The following LSS variants were observed in gnomAD, a reference collection of about 807,000 sequenced individuals.
LSS encodes lanosterol synthase.
A neutral mutation model predicts 110.3 loss-of-function variants in LSS; 90 were observed. The ratio of observed to expected loss-of-function variants is 0.82; its 90% confidence interval spans 0.69 to 0.97. The LOEUF (loss-of-function observed/expected upper bound fraction) is 0.97, where lower values mean the gene tolerates loss of function less well. LSS is among the 50% of genes least tolerant of loss of function. LSS has a pLI of 0.00. For missense variants in LSS, 927 were observed against 990.0 expected (o/e 0.94, Z 0.85); for synonymous variants, 433 against 400.0 (o/e 1.08, Z -0.98).
At chr21:46,222,165 T>A in intron 4 of LSS, 190 bp from the exon 5 acceptor site, 1 of 613,124 alleles carries the variant, frequency 1.6e-6, no homozygotes. Flanking sequence ...CCATGACAAC[T>A]GAGCCCCCCA....
intron 17 of LSS, among the ~76,000 whole-genome samples, chr21:46,198,606 CA>C (rs1159529129): frequency 2.0e-5 from 3 of 152,012 alleles, no homozygotes; most frequent in Non-Finnish European, 2.9e-5. Context: ...GAAGTGAGAA[CA>C]GGGGCGGTAA....
Position 46,189,644 on chromosome 21 carries a change from G to C in LSS, c.*1460C>G. The C allele has an allele frequency of 4.4e-6, 2 of 456,064 alleles. No homozygotes were observed. The highest frequency in any genetic ancestry group is 8.8e-6 in the Non-Finnish European group (2 of 226,858). The allele number at this position is 456,064 out of a possible 1,614,324, so 28.3% of individuals were successfully genotyped here. On this transcript the variant is annotated 3_prime_UTR_variant, in exon 22 of 22. Transcript: ENST00000397728. Reference sequence around the variant, plus strand: ...CCCTGAAGGACTCTGGGCAGGCAATGACAGGATCTGAGGGTGTCCAGACGC... The same window carrying C: ...CCCTGAAGGACTCTGGGCAGGCAATCACAGGATCTGAGGGTGTCCAGACGC...
chr21:46,218,454 T>C (rs1231763696), intron 6 of LSS, among the ~76,000 whole-genome samples: 1 of 151,948 alleles, frequency 6.6e-6, no homozygotes, highest in Non-Finnish European at 1.5e-5. Context: ...TGAAACCCTG[T>C]CTCTACTAAA....
intron 17 of LSS, among the ~76,000 whole-genome samples, chr21:46,199,463 C>T (rs888168977): frequency 1.3e-5 from 2 of 152,230 alleles, no homozygotes; most frequent in Admixed American, 1.3e-4. Flanking sequence ...CAGCTTCTTA[C>T]AGAACTAAAC....
At chr21:46,221,286 A>G (rs535176041) in intron 5 of LSS, among the ~76,000 whole-genome samples, 13 of 152,306 alleles carry the variant, frequency 8.5e-5, no homozygotes, top group African/African-American at 3.1e-4. Flanking sequence ...GAAGGTGGAC[A>G]TATTAACACG....
chr21:46,193,128 T>A, intron 20 of LSS: 1 of 447,504 alleles, frequency 2.2e-6, no homozygotes, highest in Non-Finnish European at 4.5e-6. Flanking sequence ...TGCCTGTGCA[T>A]GCATACGTGT....
chr21:46,222,614 G>A lies in LSS; in HGVS notation c.428+16C>T, dbSNP rs779308758. 24 of 1,602,438 alleles carry A rather than the reference G, an allele frequency of 1.5e-5. No individual in the cohort carries two copies. Among genetic ancestry groups the A allele is most frequent in the Non-Finnish European group, 2.0e-5 (23 of 1,171,224 alleles). ...CACATGCACATGTGCAGTGACACAGGGGCAGGCACACTCACAGGCCCCAGC... is the reference window on the plus strand; with the variant it reads ...CACATGCACATGTGCAGTGACACAGAGGCAGGCACACTCACAGGCCCCAGC... On this transcript the variant is annotated intron_variant, in intron 4 of 21. Transcript: ENST00000397728.
At chr21:46,208,345 C>A (rs1462740296) in intron 13 of LSS, 44 bp from the exon 14 acceptor site, 1 of 1,506,086 alleles carries the variant, frequency 6.6e-7, no homozygotes, top group East Asian at 2.5e-5. Context: ...GAACACGTCA[C>A]CACGGGACGT....
Position 46,195,776 on chromosome 21 carries a change from G to C in LSS, c.1737-20C>G, listed in dbSNP as rs970017543. ...CAGGAGCTGGAGGGAAACAGGGAGA[G>C]CCTCAGCCCTTCCACCCTGTTCACA... On this transcript the variant is annotated intron_variant, in intron 18 of 21. Transcript: ENST00000397728. The C allele has an allele frequency of 1.4e-5, 23 of 1,600,664 alleles. No homozygotes were observed. The highest frequency in any genetic ancestry group is 2.0e-5 in the Non-Finnish European group (23 of 1,168,346).
intron 17 of LSS, among the ~76,000 whole-genome samples, chr21:46,197,358 A>T (rs1040079297): frequency 1.3e-5 from 2 of 152,216 alleles, no homozygotes; most frequent in Non-Finnish European, 2.9e-5. Context: ...TAAAACTACT[A>T]AAAAAATGAG....
At position 46,209,509 on chromosome 21, in the gene LSS, G is replaced by C. The variant is rs1490310905; in HGVS notation, c.1266+45C>G. 8.4e-6 allele frequency: 13 copies of C among 1,546,166 alleles called. No individual in the cohort carries two copies. Among genetic ancestry groups the C allele is most frequent in the Non-Finnish European group, 1.1e-5 (13 of 1,138,630 alleles). On this transcript the variant is annotated intron_variant, in intron 13 of 21. Coordinates refer to ENST00000397728, the MANE Select transcript of LSS (RefSeq NM_002340.6). The surrounding 1 kb of genome is among the most constrained non-coding windows in gnomAD (Gnocchi z 4.4). The stretch of plus-strand genomic sequence containing the variant: ...TCTGCCTGCAGGAGCTCCCAGCCCT[G>C]ATCCCCCTCTTCAGCCCCCTCAGAG...
intron 17 of LSS, among the ~76,000 whole-genome samples, chr21:46,202,547 ATACT>A (rs369470118): frequency 4.7e-4 from 71 of 152,164 alleles, no homozygotes; most frequent in African/African-American, 1.5e-3. Context: ...TAATACACAA[ATACT>A]TACTGTGCTT....
chr21:46,209,999 A>G lies in LSS; in HGVS notation c.1195-374T>C, dbSNP rs2123729374. Reference sequence around the variant, plus strand: ...CCACCTACCTCATTCCCACCGGCATAAAAATCCACTCTCGTTTTTCTCCAG... The same window carrying G: ...CCACCTACCTCATTCCCACCGGCATGAAAATCCACTCTCGTTTTTCTCCAG... On this transcript the variant is annotated intron_variant, in intron 12 of 21. Transcript: ENST00000397728. This position sits in a 1 kb window ranked among gnomAD's most constrained non-coding sequence, Gnocchi z 4.4. 6.6e-6 allele frequency among the ~76,000 whole-genome samples: 1 copy of G among 152,116 alleles called. No homozygotes were observed. Among genetic ancestry groups the G allele is most frequent in the East Asian group, 1.9e-4 (1 of 5,170 alleles).
chr21:46,191,370 A>G (rs1189750905), intron 21 of LSS, 135 bp from the exon 22 acceptor site: 3 of 933,334 alleles, frequency 3.2e-6, no homozygotes, highest in Non-Finnish European at 5.0e-6. Context: ...AAGCAAGAGC[A>G]TAGGAAAGCA....
In LSS at chr21:46,192,799, T is replaced by C. The variant is rs549786031; in HGVS notation, c.1989-840A>G. 2.7e-5 allele frequency: 12 copies of C among 442,920 alleles called. No individual in the cohort carries two copies. The East Asian group carries it at 8.6e-4, about 32-fold the overall frequency. 27.4% of individuals were successfully genotyped at this position (442,920 alleles called of 1,614,324 possible). On this transcript the variant is annotated intron_variant, in intron 20 of 21. Transcript: ENST00000397728. ...GCATGTGTACATGTGTGCATAGACC[T>C]GTGTGTACATCTGTCTCCATGTACG... is the stretch of plus-strand genomic sequence containing the variant.
intron 4 of LSS, 67 bp from the exon 5 acceptor site, chr21:46,222,042 TTC>T: frequency 6.3e-7 from 1 of 1,576,344 alleles, no homozygotes; most frequent in Non-Finnish European, 8.7e-7. Flanking sequence ...AAGCAAAACT[TTC>T]TGTGGAGTTT....
chr21:46,194,702 A>C (rs1237267476), intron 19 of LSS, 41 bp from the exon 20 acceptor site: 7 of 1,589,812 alleles, frequency 4.4e-6, no homozygotes, highest in Non-Finnish European at 6.0e-6. Flanking sequence ...ACACCAAGGA[A>C]GGTCCCAGAC....
chr21:46,203,441 A>G (rs1376721698), intron 17 of LSS, among the ~76,000 whole-genome samples: 1 of 152,208 alleles, frequency 6.6e-6, no homozygotes, highest in Non-Finnish European at 1.5e-5. Flanking sequence ...AAATGTGGAG[A>G]CCAAACAGCA....
intron 3 of LSS, chr21:46,225,158 T>C (rs922562432): frequency 1.6e-5 from 3 of 192,114 alleles, no homozygotes; most frequent in African/African-American, 7.0e-5. Context: ...TAATCATTAG[T>C]TTGTAGCAAT....
Sources: allele counts gnomAD v4.1 joint callset (sites outside exome capture counted in the v4.1 genomes callset), GRCh38; gene constraint gnomAD v4.1.1; non-coding constraint Gnocchi (gnomAD v3.1); transcripts MANE v1.5; gene names NCBI Gene and HGNC (gene_info 2026-07-23, HGNC 2026-07-21).